Variants in DNAAF5 observed in about 807,000 individuals in gnomAD.
DNAAF5 encodes the protein dynein axonemal assembly factor 5, also known as HEAT repeat containing 2.
In DNAAF5, 64 loss-of-function variants were observed where a neutral mutation model predicts 75.8. That is an observed-to-expected ratio of 0.84 (90% CI 0.69 to 1.04). The LOEUF (loss-of-function observed/expected upper bound fraction) is 1.04, where lower values mean the gene tolerates loss of function less well. Among genes scored for constraint, DNAAF5 ranks in the 50% least tolerant of loss-of-function variants. The probability of loss-of-function intolerance (pLI) is 0.00; values close to 1 mark genes in which losing one functional copy is unlikely to be tolerated. For synonymous variants in DNAAF5, 657 were observed against 557.2 expected (o/e 1.18, Z -2.52); for missense variants, 1,269 against 1,178.5 (o/e 1.08, Z -1.12).
At chr7:780,379 G>A (rs1269445354) in intron 12 of DNAAF5, among the ~76,000 whole-genome samples, 3 of 152,340 alleles carry the variant, frequency 2.0e-5, no homozygotes, top group Admixed American at 6.5e-5. Flanking sequence ...TAGAATACTT[G>A]TTAGTTGTTT....
chr7:769,869 G>T (rs1042325729), intron 8 of DNAAF5, among the ~76,000 whole-genome samples: 1 of 152,188 alleles, frequency 6.6e-6, no homozygotes, highest in Non-Finnish European at 1.5e-5. Context: ...TCGAACTCCC[G>T]ACCTCAGGTG....
At chr7:732,247 TC>T (rs1473537464) in intron 2 of DNAAF5, among the ~76,000 whole-genome samples, 5 of 152,110 alleles carry the variant, frequency 3.3e-5, no homozygotes, top group Admixed American at 1.3e-4. Context: ...CTAATGCATC[TC>T]CCCACGCTCA....
chr7:769,355 G>C, intron 8 of DNAAF5: 2 of 624,014 alleles, frequency 3.2e-6, no homozygotes, highest in Non-Finnish European at 5.8e-6. Context: ...GACGCTGCAG[G>C]GACTCTCAGA....
intron 12 of DNAAF5, among the ~76,000 whole-genome samples, chr7:782,060 C>G (rs1778966670): frequency 6.6e-6 from 1 of 152,262 alleles, no homozygotes; most frequent in African/African-American, 2.4e-5. Context: ...CCCCGCGCAG[C>G]TGCGTCCGGT....
At chr7:784,363 A>G (rs1457457887) in intron 12 of DNAAF5, among the ~76,000 whole-genome samples, 1 of 152,006 alleles carries the variant, frequency 6.6e-6, no homozygotes, top group Non-Finnish European at 1.5e-5. Context: ...CCCCTCCCTG[A>G]CTGCCTGCCG....
At chr7:736,486 G>A (rs1421026592) in intron 2 of DNAAF5, among the ~76,000 whole-genome samples, 3 of 152,102 alleles carry the variant, frequency 2.0e-5, no homozygotes, top group Non-Finnish European at 2.9e-5. Flanking sequence ...TATAGTTTTC[G>A]TCTTGAAATC....
chr7:785,009 C>T lies in DNAAF5; in HGVS notation c.2432-508C>T, dbSNP rs190050759. ...CGTTGTGACTCAGGTCATTCGTATC[C>T]ACATTCTGACTGCCGTCCACCCGTC... On this transcript the variant is annotated intron_variant, in intron 12 of 12. Transcript: ENST00000297440. Among the ~76,000 whole-genome samples the T allele has an allele frequency of 1.8e-4, 28 of 152,096 alleles. No homozygotes were observed. In the East Asian group the frequency reaches 5.4e-3, roughly 29 times the overall value.
At chr7:759,543 A>G (rs1442049631) in intron 6 of DNAAF5, among the ~76,000 whole-genome samples, 2 of 152,230 alleles carry the variant, frequency 1.3e-5, no homozygotes, top group Non-Finnish European at 2.9e-5. Context: ...GCAGTCTTAG[A>G]TAACATTGTT....
chr7:757,063 A>G, intron 6 of DNAAF5, 69 bp downstream of exon 6: 10 of 1,450,766 alleles, frequency 6.9e-6, no homozygotes, highest in Non-Finnish European at 9.3e-6. Context: ...AGCCATCGTA[A>G]TGACATGTCT....
At chr7:751,358 G>C (rs371838589) in intron 4 of DNAAF5, among the ~76,000 whole-genome samples, 8 of 152,006 alleles carry the variant, frequency 5.3e-5, no homozygotes, top group African/African-American at 1.9e-4. Context: ...CTTTAGCCTG[G>C]ATGCAGTGGC....
intron 9 of DNAAF5, chr7:770,881 A>C: frequency 2.5e-6 from 1 of 405,326 alleles, no homozygotes; most frequent in Admixed American, 3.7e-5. Flanking sequence ...AGGGTTCCCC[A>C]CACCAAGTCT....
intron 11 of DNAAF5, among the ~76,000 whole-genome samples, chr7:776,813 G>A (rs1583520775): frequency 2.6e-5 from 4 of 152,210 alleles, no homozygotes; most frequent in Admixed American, 2.6e-4. Context: ...GTACCTGTCC[G>A]GGTCCTGTTA....
intron 11 of DNAAF5, among the ~76,000 whole-genome samples, chr7:776,056 G>A (rs1028232806): frequency 1.3e-5 from 2 of 152,152 alleles, no homozygotes; most frequent in South Asian, 2.1e-4. Flanking sequence ...AGCAGAAAAC[G>A]TGGCCGGGCA....
intron 8 of DNAAF5, among the ~76,000 whole-genome samples, chr7:767,874 A>T (rs1778377346): frequency 6.7e-6 from 1 of 149,984 alleles, no homozygotes; most frequent in South Asian, 2.1e-4. Flanking sequence ...GGGAGGGCAG[A>T]CACATGGTCC....
Position 741,380 on chromosome 7 carries a change from C to A in DNAAF5, c.939C>A (p.Gly313=), listed in dbSNP as rs768088334. ...CTGCCAGCCTCTGGGAGGACGTTGGCCTGCAGTGGCAGAAGGAGAATGAGG... is the reference window on the plus strand; with the variant it reads ...CTGCCAGCCTCTGGGAGGACGTTGGACTGCAGTGGCAGAAGGAGAATGAGG... The part of the protein sequence containing the change: ...QLAASLWEDV[G]LQWQKENEED... Residue 313 remains glycine, a synonymous_variant, in exon 4 of 13, where the codon GGC becomes GGA. Coordinates refer to ENST00000297440, the MANE Select transcript of DNAAF5 (RefSeq NM_017802.4). The A allele has an allele frequency of 1.3e-6, 2 of 1,585,476 alleles. No individual in the cohort carries two copies. The highest frequency in any genetic ancestry group is 1.7e-6 in the Non-Finnish European group (2 of 1,166,886).
At chr7:739,047 A>G (rs1308365809) in intron 2 of DNAAF5, among the ~76,000 whole-genome samples, 1 of 144,854 alleles carries the variant, frequency 6.9e-6, no homozygotes, top group African/African-American at 2.8e-5. Flanking sequence ...ATCACTGTAC[A>G]CCTGTTTGGG....
intron 4 of DNAAF5, among the ~76,000 whole-genome samples, chr7:747,792 G>A (rs112247339): frequency 6.6e-5 from 1 of 15,258 alleles, no homozygotes; most frequent in Non-Finnish European, 1.5e-4. Context: ...GTTTCAGCGT[G>A]TCCGGCTGGT....
chr7:769,037 G>C (rs554783989), intron 8 of DNAAF5: 1 of 646,194 alleles, frequency 1.5e-6, no homozygotes, highest in South Asian at 1.7e-5. Flanking sequence ...CAAGACACCA[G>C]CTGGTCTCAC....
chr7:735,980 ATTTT>A (rs1464302994), intron 2 of DNAAF5, among the ~76,000 whole-genome samples: 1 of 152,174 alleles, frequency 6.6e-6, no homozygotes, highest in Non-Finnish European at 1.5e-5. Flanking sequence ...TCATTTAAGA[ATTTT>A]TAAAATTTCC....
Sources: gnomAD v4.1 joint callset for allele counts (sites outside exome capture counted in the v4.1 genomes callset) on GRCh38, gnomAD v4.1.1 for gene constraint, MANE v1.5 for transcripts, NCBI Gene and HGNC (gene_info 2026-07-23, HGNC 2026-07-21) for gene names.